The following TBC1D22B variants were observed in gnomAD, a reference collection of about 807,000 sequenced individuals.
TBC1D22B encodes TBC1 domain family member 22B.
A neutral mutation model predicts 69.1 loss-of-function variants in TBC1D22B; 32 were observed. The observed-to-expected ratio is 0.46, with a 90% CI of 0.35 to 0.62. The LOEUF (loss-of-function observed/expected upper bound fraction) is 0.62, where lower values mean the gene tolerates loss of function less well. Ranked by LOEUF, TBC1D22B falls within the 20% of genes least tolerant of loss-of-function variation. The pLI is 0.00. For synonymous variants in TBC1D22B, 206 were observed against 229.8 expected, an observed-to-expected ratio of 0.90 and a Z score of 0.94; for missense variants, 462 against 630.9, an observed-to-expected ratio of 0.73 and a Z score of 2.87.
chr6:37,300,179 T>C (rs1001113951), intron 8 of TBC1D22B, among the ~76,000 whole-genome samples: 3 of 152,038 alleles, frequency 2.0e-5, no homozygotes, highest in Non-Finnish European at 2.9e-5. Context: ...TTCGACACCA[T>C]TTATAAATAA....
intron 8 of TBC1D22B, among the ~76,000 whole-genome samples, chr6:37,294,287 C>CA (rs1767284618): frequency 6.6e-6 from 1 of 152,090 alleles, no homozygotes; most frequent in Admixed American, 6.6e-5. Flanking sequence ...CCTCCTGCCC[C>CA]TCCGAGTAGC....
chr6:37,330,330 C>T lies in TBC1D22B; in HGVS notation c.1390-714C>T, dbSNP rs571288883. On this transcript the variant is annotated intron_variant, in intron 12 of 12. Transcript: ENST00000373491. ...CTGGGCTCCCTGCAACCTCCGCCTC[C>T]CAGGTTCAAATGATTTTCCTGCCTC... is the stretch of plus-strand genomic sequence containing the variant. Among the ~76,000 whole-genome samples, 4 of 142,702 alleles carry T rather than the reference C, an allele frequency of 2.8e-5. No homozygotes were observed. The Admixed American group carries it at 3.0e-4, about 11-fold the overall frequency. 93.6% of individuals were successfully genotyped at this position (142,702 alleles called of 152,430 possible). A position where few individuals can be genotyped will look rare whatever the true frequency, so the allele number is the denominator to read the frequency against.
chr6:37,283,351 T>C (rs60081780), intron 5 of TBC1D22B, among the ~76,000 whole-genome samples: 4,848 of 152,312 alleles, frequency 0.032, 242 homozygotes, highest in African/African-American at 0.11. Context: ...CCTTGGAAGC[T>C]TTACTAGTCC....
Position 37,332,450 on chromosome 6 carries a change from G to A in TBC1D22B, c.*1278G>A, listed in dbSNP as rs1340608746. 1 of 152,662 alleles carries A rather than the reference G, an allele frequency of 6.6e-6. No individual in the cohort carries two copies. 9.5% of individuals were successfully genotyped at this position (152,662 alleles called of 1,614,324 possible). A position where few individuals can be genotyped will look rare whatever the true frequency, so the allele number is the denominator to read the frequency against. ...AGCATTGTATTCGGACAGAAGCTGT[G>A]ACTGAAGACTCAGTGCCAAGGAAAG... On this transcript the variant is annotated 3_prime_UTR_variant, in exon 13 of 13. Transcript: ENST00000373491.
chr6:37,286,835 T>C (rs1767020818), intron 6 of TBC1D22B, among the ~76,000 whole-genome samples, 172 bp from the exon 7 acceptor site: 1 of 151,904 alleles, frequency 6.6e-6, no homozygotes, highest in Admixed American at 6.5e-5. Context: ...TCCCAGCTAC[T>C]TGGGAGGCTG....
intron 1 of TBC1D22B, among the ~76,000 whole-genome samples, chr6:37,263,051 T>G (rs1425210828): frequency 6.6e-6 from 1 of 152,252 alleles, no homozygotes; most frequent in Non-Finnish European, 1.5e-5. Flanking sequence ...TTAACTAACC[T>G]CTGGTTTTTA....
At chr6:37,328,742 A>G (rs1419133146) in intron 12 of TBC1D22B, among the ~76,000 whole-genome samples, 2 of 152,080 alleles carry the variant, frequency 1.3e-5, no homozygotes, top group Non-Finnish European at 2.9e-5. Context: ...TTTTTAGTAA[A>G]CAAAATTTCC....
rs1372655024 is a variant in TBC1D22B, at chr6:37,332,159, G to GT, written c.*988dup. ...CAGCACCTCCAGGTTGGTTCTGGGT[G>GT]TCCTGCTGTGAGGGGTAGAACGGGA... On this transcript the variant is annotated 3_prime_UTR_variant, in exon 13 of 13. Coordinates refer to ENST00000373491, the MANE Select transcript of TBC1D22B (RefSeq NM_017772.4). 1 of 152,606 alleles carries GT rather than the reference G, an allele frequency of 6.6e-6. No individual in the cohort carries two copies. The highest frequency in any genetic ancestry group is 1.5e-5 in the Non-Finnish European group (1 of 68,080). The allele number at this position is 152,606 out of a possible 1,614,324, so 9.5% of individuals were successfully genotyped here.
chr6:37,281,179 C>T (rs1766814819), intron 3 of TBC1D22B, among the ~76,000 whole-genome samples: 1 of 152,170 alleles, frequency 6.6e-6, no homozygotes, highest in Admixed American at 6.5e-5. Flanking sequence ...GTCAGGCTTA[C>T]CTAAGGTGGT....
chr6:37,281,297 A>G (rs1305361012), intron 3 of TBC1D22B, among the ~76,000 whole-genome samples: 13 of 152,382 alleles, frequency 8.5e-5, no homozygotes, highest in Admixed American at 7.8e-4. Context: ...ATGAGAGATC[A>G]TATGTAAAAG....
intron 8 of TBC1D22B, among the ~76,000 whole-genome samples, chr6:37,309,411 T>C (rs953289095): frequency 1.3e-5 from 2 of 152,224 alleles, no homozygotes; most frequent in African/African-American, 4.8e-5. Context: ...GTATTTGCAT[T>C]GCAATGTTCT....
intron 10 of TBC1D22B, 60 bp downstream of exon 10, chr6:37,313,951 G>A: frequency 6.6e-7 from 1 of 1,522,538 alleles, no homozygotes; most frequent in Non-Finnish European, 9.1e-7. Flanking sequence ...TTATGAGGCG[G>A]TTGTGCTTGT....
At chr6:37,319,325 G>T (rs1054855163) in intron 12 of TBC1D22B, among the ~76,000 whole-genome samples, 3 of 152,226 alleles carry the variant, frequency 2.0e-5, no homozygotes, top group Non-Finnish European at 4.4e-5. Flanking sequence ...GGATAATGTG[G>T]TTGAGGTGGA....
intron 1 of TBC1D22B, among the ~76,000 whole-genome samples, chr6:37,260,605 A>G (rs11757132): frequency 0.069 from 10,552 of 152,238 alleles, 498 homozygotes; most frequent in Middle Eastern, 0.14. Context: ...CATTTTCATC[A>G]TCCTGAAAAG....
rs921512346 is a variant in TBC1D22B at position 37,323,990 on chromosome 6, A to G, written c.1389+6784A>G. Among the ~76,000 whole-genome samples the G allele has an allele frequency of 2.6e-5, 4 of 152,232 alleles. No individual in the cohort carries two copies. In the East Asian group the frequency reaches 5.8e-4, roughly 22 times the overall value. ...CCAATGAATAAAAGTTTGACTCTCAACAAGCTTATATCATAGGGACATGTT... is the reference window on the plus strand; with the variant it reads ...CCAATGAATAAAAGTTTGACTCTCAGCAAGCTTATATCATAGGGACATGTT... On this transcript the variant is annotated intron_variant, in intron 12 of 12. Coordinates refer to ENST00000373491, the MANE Select transcript of TBC1D22B (RefSeq NM_017772.4).
In TBC1D22B at chr6:37,257,790, C is replaced by A; in HGVS notation, c.-128C>A. 3 of 1,025,700 alleles carry A rather than the reference C, an allele frequency of 2.9e-6. No homozygotes were observed. The highest frequency in any genetic ancestry group is 2.9e-6 in the Non-Finnish European group (2 of 694,196). The allele number at this position is 1,025,700 out of a possible 1,614,324, so 63.5% of individuals were successfully genotyped here. On this transcript the variant is annotated 5_prime_UTR_variant, in exon 1 of 13. Transcript: ENST00000373491. ...GGTGCCCACATCCAAGATGGCGTCC[C>A]CAGGAGCTGGGAGCGGGTGACCGGC... is the stretch of plus-strand genomic sequence containing the variant.
intron 6 of TBC1D22B, 87 bp downstream of exon 6, chr6:37,284,551 C>T (rs993873554): frequency 1.4e-6 from 2 of 1,398,394 alleles, no homozygotes; most frequent in Admixed American, 2.6e-5. Context: ...ACAGGCTTTC[C>T]AAGTCTTCAG....
intron 1 of TBC1D22B, among the ~76,000 whole-genome samples, chr6:37,267,527 T>C (rs546754598): frequency 2.4e-5 from 1 of 42,098 alleles, no homozygotes; most frequent in East Asian, 7.2e-4. Flanking sequence ...ATATATACAC[T>C]ATATATATAA....
intron 12 of TBC1D22B, among the ~76,000 whole-genome samples, chr6:37,326,851 G>T (rs977316503): frequency 1.3e-5 from 2 of 152,156 alleles, no homozygotes; most frequent in African/African-American, 2.4e-5. Flanking sequence ...TAAAAAAATT[G>T]ATTAGTATGC....
Sources: allele counts gnomAD v4.1 joint callset (sites outside exome capture counted in the v4.1 genomes callset), GRCh38; gene constraint gnomAD v4.1.1; transcripts MANE v1.5; gene names NCBI Gene and HGNC (gene_info 2026-07-23, HGNC 2026-07-21).